TSNARE1: variants seen among roughly 807,000 people sequenced by gnomAD.
TSNARE1 encodes the protein t-SNARE domain containing 1.
A neutral mutation model predicts 62.0 loss-of-function variants in TSNARE1; 49 were observed. That is an observed-to-expected ratio of 0.79 (90% CI 0.63 to 1.00). TSNARE1 has a LOEUF of 1.00. Among genes scored for constraint, TSNARE1 ranks in the 50% least tolerant of loss-of-function variants. The pLI, the probability that TSNARE1 is intolerant of heterozygous loss-of-function variation, is 0.00. For synonymous variants in TSNARE1, 328 were observed against 294.4 expected, an observed-to-expected ratio of 1.11 and a Z score of -1.17; for missense variants, 755 against 700.1, an observed-to-expected ratio of 1.08 and a Z score of -0.88.
chr8:142,269,352 G>A (rs972408850), intron 12 of TSNARE1: 2 of 844,230 alleles, frequency 2.4e-6, no homozygotes, highest in African/African-American at 3.7e-5. Context: ...TGCAACTGCA[G>A]TCAGGACACA....
At chr8:142,256,169 CCATCACCAT>C (rs1818523780) in intron 12 of TSNARE1, among the ~76,000 whole-genome samples, 1 of 119,324 alleles carries the variant, frequency 8.4e-6, no homozygotes, top group Non-Finnish European at 1.8e-5. Context: ...ATCACCACCA[CCATCACCAT>C]CACCACCACC....
chr8:142,242,886 C>A (rs962089061), intron 12 of TSNARE1, among the ~76,000 whole-genome samples: 1 of 126,914 alleles, frequency 7.9e-6, no homozygotes, highest in East Asian at 2.5e-4. Context: ...TGCTTGAACC[C>A]GGGAGGTGGA....
intron 12 of TSNARE1, chr8:142,273,449 T>C (rs756935373): frequency 1.1e-4 from 107 of 985,196 alleles, no homozygotes; most frequent in Non-Finnish European, 1.3e-4. Flanking sequence ...CGACTAGAGG[T>C]GCTGGGCCAA....
At chr8:142,318,781 G>T in intron 6 of TSNARE1, 147 bp from the exon 7 acceptor site, 1 of 661,338 alleles carries the variant, frequency 1.5e-6, no homozygotes, top group Non-Finnish European at 2.6e-6. Flanking sequence ...AGGGCCGAGA[G>T]ACACACAGAG....
chr8:142,280,973 G>A lies in TSNARE1; in HGVS notation c.1363+3440C>T, dbSNP rs923256614. 3.4e-4 allele frequency among the ~76,000 whole-genome samples: 52 copies of A among 152,202 alleles called. 1 individual carries two copies. The highest frequency in any genetic ancestry group is 3.2e-3 in the Middle Eastern group (1 of 316). On this transcript the variant is annotated intron_variant, in intron 11 of 13. Transcript: ENST00000524325. ...CGGCCTGGCCCAGCCCCGCCCCAGG[G>A]AGCAGCAGGGTGCTTGAGCCGCAGT...
At chr8:142,281,236 G>A (rs1215450205) in intron 11 of TSNARE1, among the ~76,000 whole-genome samples, 4 of 152,238 alleles carry the variant, frequency 2.6e-5, no homozygotes, top group Admixed American at 1.3e-4. Context: ...GGGCACCAGG[G>A]GCAGCCTGGC....
chr8:142,360,825 G>A (rs996552212), intron 1 of TSNARE1, among the ~76,000 whole-genome samples: 2 of 152,210 alleles, frequency 1.3e-5, no homozygotes, highest in African/African-American at 4.8e-5. Flanking sequence ...ACTGCCCACC[G>A]GGCTCCCGGC....
chr8:142,283,204 T>C (rs1488869480), intron 11 of TSNARE1, among the ~76,000 whole-genome samples: 1 of 147,340 alleles, frequency 6.8e-6, no homozygotes, highest in Non-Finnish European at 1.5e-5. Context: ...CCACTGTCTG[T>C]CTAAGGGCAA....
intron 12 of TSNARE1, among the ~76,000 whole-genome samples, chr8:142,233,759 C>T (rs1365056341): frequency 6.6e-6 from 1 of 152,184 alleles, no homozygotes; most frequent in African/African-American, 2.4e-5. Context: ...CGCAAGGGCT[C>T]TTCCCTCTGC....
At chr8:142,388,502 A>T (rs1273045141) in intron 1 of TSNARE1, among the ~76,000 whole-genome samples, 1 of 86,014 alleles carries the variant, frequency 1.2e-5, no homozygotes, top group Non-Finnish European at 2.3e-5. Flanking sequence ...ATAATGAACT[A>T]AAAAAAAAAA....
Position 142,280,144 on chromosome 8 carries a change from C to T in TSNARE1, c.1363+4269G>A, listed in dbSNP as rs1205406261. ...CCCGAACAGCAGCGGGTAGTGGCGC[C>T]GCACCCTCTGCACCAGCACCTCCGT... On this transcript the variant is annotated intron_variant, in intron 11 of 13. Transcript: ENST00000524325. 25 of 1,071,888 alleles carry T rather than the reference C, an allele frequency of 2.3e-5. No homozygotes were observed. In the East Asian group the frequency reaches 3.2e-4, roughly 14 times the overall value. 66.4% of individuals were successfully genotyped at this position (1,071,888 alleles called of 1,614,324 possible).
intron 12 of TSNARE1, chr8:142,270,930 A>G (rs1819471327): frequency 1.0e-6 from 1 of 985,418 alleles, no homozygotes; most frequent in African/African-American, 1.7e-5. Flanking sequence ...ACAGGTAGAC[A>G]GCCCACATCC....
At chr8:142,378,656 A>C (rs1225906732) in intron 1 of TSNARE1, among the ~76,000 whole-genome samples, 1 of 152,196 alleles carries the variant, frequency 6.6e-6, no homozygotes, top group Non-Finnish European at 1.5e-5. Flanking sequence ...CATTTACAGG[A>C]AACGCTCAGA....
At chr8:142,381,915 G>A (rs1467274452) in intron 1 of TSNARE1, among the ~76,000 whole-genome samples, 1 of 152,180 alleles carries the variant, frequency 6.6e-6, no homozygotes, top group Admixed American at 6.5e-5. Context: ...TCACAGCCAC[G>A]GCTCATGCCC....
chr8:142,300,701 C>A, intron 9 of TSNARE1, 57 bp from the exon 10 acceptor site: 1 of 1,556,672 alleles, frequency 6.4e-7, no homozygotes, highest in Non-Finnish European at 8.7e-7. Flanking sequence ...CACCACAACC[C>A]AGGCCCAGAA....
At chr8:142,269,999 G>A (rs866811323) in intron 12 of TSNARE1, 16 of 985,326 alleles carry the variant, frequency 1.6e-5, no homozygotes, top group Middle Eastern at 1.0e-3. Context: ...GAGCTTCCCC[G>A]GAAGCTCCTG....
rs574645945 is a variant in TSNARE1, at chr8:142,277,877, C to T, written c.1364-3014G>A. 1.4e-5 allele frequency: 14 copies of T among 985,408 alleles called. No homozygotes were observed. In the African/African-American group the frequency reaches 2.3e-4, roughly 16 times the overall value. The allele number at this position is 985,408 out of a possible 1,614,324, so 61.0% of individuals were successfully genotyped here. On this transcript the variant is annotated intron_variant, in intron 11 of 13. Coordinates refer to ENST00000524325, the MANE Select transcript of TSNARE1 (RefSeq NM_145003.5). ...TGCAGAAAAGGACTAAGCACCTGGG[C>T]CACACCAGTGCCACCCCTGCCAGGC...
At chr8:142,269,741 A>G (rs2130466084) in intron 12 of TSNARE1, 1 of 985,420 alleles carries the variant, frequency 1.0e-6, no homozygotes, top group Non-Finnish European at 1.2e-6. Flanking sequence ...CAGCTTTCCC[A>G]GGGTGGAACC....
intron 13 of TSNARE1, among the ~76,000 whole-genome samples, chr8:142,225,162 C>T (rs1816715802): frequency 6.6e-6 from 1 of 151,350 alleles, no homozygotes; most frequent in Non-Finnish European, 1.5e-5. Context: ...CCCCTCCCCC[C>T]AGACCCTCCT....
Sources: gnomAD v4.1 joint callset for allele counts (sites outside exome capture counted in the v4.1 genomes callset) on GRCh38, gnomAD v4.1.1 for gene constraint, MANE v1.5 for transcripts, NCBI Gene and HGNC (gene_info 2026-07-23, HGNC 2026-07-21) for gene names.